Variants in C16orf89 observed in about 807,000 individuals in gnomAD.
The protein encoded by C16orf89 is UPF0764 protein C16orf89.
Under a neutral mutation model 41.5 loss-of-function variants are expected in C16orf89, and 57 were observed. That is an observed-to-expected ratio of 1.38 (90% CI 1.11 to 1.71). The LOEUF is 1.71. Among genes scored for constraint, C16orf89 ranks in the 40% most tolerant of loss-of-function variants. The probability of loss-of-function intolerance (pLI) is 0.00; values close to 1 mark genes in which losing one functional copy is unlikely to be tolerated. For missense variants in C16orf89, 575 were observed against 445.9 expected (o/e 1.29, Z -2.61); for synonymous variants, 223 against 190.6 (o/e 1.17, Z -1.40).
intron 6 of C16orf89, among the ~76,000 whole-genome samples, chr16:5,054,605 C>T (rs936469772): frequency 1.3e-5 from 2 of 152,176 alleles, no homozygotes; most frequent in Non-Finnish European, 2.9e-5. Context: ...TTAGTGGGTG[C>T]TCAATACGTA....
chr16:5,046,590 T>A (rs1352711898), intron 7 of C16orf89, among the ~76,000 whole-genome samples: 2 of 151,992 alleles, frequency 1.3e-5, no homozygotes, highest in East Asian at 1.9e-4. Flanking sequence ...ACCTCAGGTG[T>A]TCCACCCGCC....
At chr16:5,055,835 G>A (rs1956489326) in intron 5 of C16orf89, 5 of 1,337,950 alleles carry the variant, frequency 3.7e-6, no homozygotes, top group Non-Finnish European at 5.1e-6. Flanking sequence ...TATATCCCAT[G>A]AAATAGTTGG....
At position 5,044,129 on chromosome 16, in the gene C16orf89, C is replaced by A; in HGVS notation, c.*219G>T. ...ACAAGACTCAACCCTGGGTCAGTTG[C>A]AGTTGAACTTTATTCATCCGTTCAC... On this transcript the variant is annotated 3_prime_UTR_variant, in exon 8 of 8. Transcript: ENST00000472572. The A allele has an allele frequency of 7.9e-7, 1 of 1,262,174 alleles. No homozygotes were observed. The highest frequency in any genetic ancestry group is 9.9e-7 in the Non-Finnish European group (1 of 1,005,926). 78.2% of individuals were successfully genotyped at this position (1,262,174 alleles called of 1,614,324 possible).
intron 6 of C16orf89, among the ~76,000 whole-genome samples, chr16:5,052,062 ACGG>A (rs1956406613): frequency 1.4e-5 from 2 of 147,632 alleles, no homozygotes; most frequent in African/African-American, 5.0e-5. Flanking sequence ...AGACTGTGCT[ACGG>A]CACACCATCC....
chr16:5,062,546 C>A lies in C16orf89; in HGVS notation c.237G>T (p.Trp79Cys). The change falls in exon 2 of 8, where the codon TGG becomes TGT. Residue 79 changes from tryptophan (W) to cysteine (C), a missense_variant. Trp to Cys is a radical substitution (Grantham distance 215). Transcript: ENST00000472572. ...EEQLKSVREK[W>C]AQEPLLQPLS... Reference sequence around the variant, plus strand: ...GCGGCTGCAGCAGGGGCTCCTGGGCCCACTTCTCCCGGACACTTTTTAGCT... The same window carrying A: ...GCGGCTGCAGCAGGGGCTCCTGGGCACACTTCTCCCGGACACTTTTTAGCT... The A allele has an allele frequency of 1.2e-6, 2 of 1,612,948 alleles. No individual in the cohort carries two copies. The highest frequency in any genetic ancestry group is 1.7e-6 in the Non-Finnish European group (2 of 1,179,444).
intron 7 of C16orf89, 30 bp downstream of exon 7, chr16:5,047,848 T>G (rs1956327403): frequency 7.7e-7 from 1 of 1,292,484 alleles, no homozygotes. Flanking sequence ...TAGTTTCATG[T>G]CAAGAAACTC....
intron 6 of C16orf89, among the ~76,000 whole-genome samples, chr16:5,048,404 C>G (rs1257112803): frequency 6.6e-6 from 1 of 152,182 alleles, no homozygotes; most frequent in Non-Finnish European, 1.5e-5. Context: ...GTTAGGTCTT[C>G]TCTTGAAACT....
At chr16:5,045,971 C>T (rs1956288636) in intron 7 of C16orf89, among the ~76,000 whole-genome samples, 2 of 152,152 alleles carry the variant, frequency 1.3e-5, no homozygotes, top group Non-Finnish European at 2.9e-5. Flanking sequence ...GGACAGTCCT[C>T]GTGTTGGGCT....
chr16:5,047,555 C>T (rs1364561727), intron 7 of C16orf89, among the ~76,000 whole-genome samples: 1 of 151,906 alleles, frequency 6.6e-6, no homozygotes, highest in African/African-American at 2.4e-5. Flanking sequence ...GAAGCCTCCA[C>T]CTCCTGGGTT....
chr16:5,063,984 G>A (rs1026400445), intron 1 of C16orf89, among the ~76,000 whole-genome samples: 7 of 152,042 alleles, frequency 4.6e-5, no homozygotes, highest in South Asian at 2.1e-4. Flanking sequence ...AAAATTAGCC[G>A]GGCGTGGTGG....
intron 1 of C16orf89, among the ~76,000 whole-genome samples, chr16:5,063,275 T>G (rs907336509): frequency 6.6e-6 from 1 of 151,998 alleles, no homozygotes; most frequent in Non-Finnish European, 1.5e-5. Flanking sequence ...GATGCTGAGG[T>G]AGTCCTCCAG....
chr16:5,055,905 C>T, intron 5 of C16orf89, 148 bp downstream of exon 5: 1 of 1,253,766 alleles, frequency 8.0e-7, no homozygotes, highest in Non-Finnish European at 1.1e-6. Flanking sequence ...TAACTGAGCA[C>T]TCTGTATTTT....
rs1956645284 is a variant in C16orf89 at position 5,062,451 on chromosome 16, T to C, written c.332A>G (p.Lys111Arg). 6.2e-7 allele frequency: 1 copy of C among 1,613,974 alleles called. No individual in the cohort carries two copies. Among genetic ancestry groups the C allele is most frequent in the Non-Finnish European group, 8.5e-7 (1 of 1,179,948 alleles). ...AAIQRSLHYL[K>R]LSDPKYLREF... Reference sequence around the variant, plus strand: ...TCTTAGGTACTTGGGATCACTCAGCTTGAGGTAGTGGAGGGATCTCTGGAT... The same window carrying C: ...TCTTAGGTACTTGGGATCACTCAGCCTGAGGTAGTGGAGGGATCTCTGGAT... The change falls in exon 2 of 8, where the codon AAG becomes AGG. Residue 111 changes from lysine to arginine, a missense_variant. Coordinates refer to ENST00000472572, the MANE Select transcript of C16orf89 (RefSeq NM_001098514.3).
chr16:5,063,670 C>A (rs763386165), intron 1 of C16orf89, among the ~76,000 whole-genome samples: 2 of 152,198 alleles, frequency 1.3e-5, no homozygotes, highest in Non-Finnish European at 2.9e-5. Context: ...TACGAGGGAT[C>A]TAGGCTGCAC....
chr16:5,055,922 C>T, intron 5 of C16orf89, 131 bp downstream of exon 5: 1 of 1,263,156 alleles, frequency 7.9e-7, no homozygotes, highest in Non-Finnish European at 1.1e-6. Context: ...TTTTTACTTG[C>T]TTAATCTGGC....
At chr16:5,044,761 T>G in intron 7 of C16orf89, 1 of 1,105,088 alleles carries the variant, frequency 9.0e-7, no homozygotes, top group Non-Finnish European at 1.2e-6. Flanking sequence ...AGAGAATTGC[T>G]TGAACCCAGG....
At chr16:5,054,048 G>A (rs776176117) in intron 6 of C16orf89, among the ~76,000 whole-genome samples, 2 of 152,224 alleles carry the variant, frequency 1.3e-5, no homozygotes, top group South Asian at 4.1e-4. Flanking sequence ...TCCCCAACCC[G>A]CCGAAGCTAT....
intron 7 of C16orf89, among the ~76,000 whole-genome samples, chr16:5,045,813 A>G (rs1418434250): frequency 2.0e-5 from 3 of 152,144 alleles, no homozygotes; most frequent in Non-Finnish European, 2.9e-5. Flanking sequence ...TCTCTACACC[A>G]GCTGCCTCCT....
intron 6 of C16orf89, among the ~76,000 whole-genome samples, chr16:5,052,796 GA>G (rs755050364): frequency 3.9e-4 from 60 of 152,126 alleles, no homozygotes; most frequent in Non-Finnish European, 8.4e-4. Flanking sequence ...CAAAGGAAAG[GA>G]AATTGGTATG....
Sources: gnomAD v4.1 joint callset for allele counts (sites outside exome capture counted in the v4.1 genomes callset) on GRCh38, gnomAD v4.1.1 for gene constraint, MANE v1.5 for transcripts, NCBI Gene and HGNC (gene_info 2026-07-23, HGNC 2026-07-21) for gene names.